Variants in CSMD3 observed in about 807,000 individuals in gnomAD.
CSMD3 encodes CUB and sushi domain-containing protein 3.
Under a neutral mutation model 435.2 loss-of-function variants are expected in CSMD3, and 177 were observed. That is an observed-to-expected ratio of 0.41 (90% confidence interval 0.36 to 0.46). The LOEUF is 0.46. Ranked by LOEUF, CSMD3 falls within the 20% of genes least tolerant of loss-of-function variation. CSMD3 has a pLI of 0.34. For missense variants in CSMD3, 4,265 were observed against 4,504.6 expected (o/e 0.95, Z 1.52); for synonymous variants, 1,656 against 1,520.5 (o/e 1.09, Z -2.07).
chr8:112,592,958 T>C (rs753821869), intron 22 of CSMD3, among the ~76,000 whole-genome samples: 4 of 152,116 alleles, frequency 2.6e-5, no homozygotes, highest in Middle Eastern at 3.2e-3. Context: ...AGAAGTAGTA[T>C]ATTTTAAAGA....
chr8:113,029,345 T>A lies in CSMD3; in HGVS notation c.918-10166A>T, dbSNP rs2086994863. On this transcript the variant is annotated intron_variant, in intron 5 of 70. Transcript: ENST00000297405. ...CAAAAAAGAAAACTACAGACTGATATCCTTGATGAATATAGATGCTAAAAT... is the reference window on the plus strand; with the variant it reads ...CAAAAAAGAAAACTACAGACTGATAACCTTGATGAATATAGATGCTAAAAT... 3.3e-5 allele frequency among the ~76,000 whole-genome samples: 5 copies of A among 151,510 alleles called. No individual in the cohort carries two copies. In the South Asian group the frequency reaches 8.4e-4, roughly 25 times the overall value.
chr8:112,819,542 A>G (rs2079471215), intron 12 of CSMD3, among the ~76,000 whole-genome samples: 1 of 152,232 alleles, frequency 6.6e-6, no homozygotes, highest in Non-Finnish European at 1.5e-5. Flanking sequence ...TTAGCCAGTC[A>G]GCCAGTCCTA....
chr8:113,228,005 A>AT lies in CSMD3; in HGVS notation c.514+50586dup, dbSNP rs2093046674. Among the ~76,000 whole-genome samples the AT allele has an allele frequency of 2.6e-5, 4 of 151,484 alleles. 1 individual carries two copies. The highest frequency in any genetic ancestry group is 4.4e-5 in the Non-Finnish European group (3 of 67,708). On this transcript the variant is annotated intron_variant, in intron 3 of 70. Coordinates refer to ENST00000297405, the MANE Select transcript of CSMD3 (RefSeq NM_198123.2). The stretch of plus-strand genomic sequence containing the variant: ...GTCACATAATCTGTGTTCTTAGGTC[A>AT]TTTTTTTAAATTTCACCTCTCTTAC...
chr8:112,541,785 T>C (rs1307090860), intron 27 of CSMD3, among the ~76,000 whole-genome samples: 1 of 151,704 alleles, frequency 6.6e-6, no homozygotes, highest in Non-Finnish European at 1.5e-5. Flanking sequence ...ATTAATTTTG[T>C]AAAGGCAATA....
At chr8:112,729,135 T>TA (rs1459477591) in intron 13 of CSMD3, among the ~76,000 whole-genome samples, 1 of 152,056 alleles carries the variant, frequency 6.6e-6, no homozygotes, top group Non-Finnish European at 1.5e-5. Context: ...TGCAAAACTG[T>TA]ATCTCCAGAT....
At chr8:112,645,848 A>C (rs2074965692) in intron 19 of CSMD3, among the ~76,000 whole-genome samples, 2 of 152,226 alleles carry the variant, frequency 1.3e-5, no homozygotes. Context: ...CTATATATTC[A>C]ACAGCTATCA....
intron 3 of CSMD3, among the ~76,000 whole-genome samples, chr8:113,224,514 CT>C (rs1247234999): frequency 6.6e-6 from 1 of 151,018 alleles, no homozygotes; most frequent in East Asian, 1.9e-4. Context: ...TTTAATCTAC[CT>C]TCTAATTATA....
At chr8:112,239,704 A>G (rs557216797) in intron 66 of CSMD3, among the ~76,000 whole-genome samples, 18 of 152,188 alleles carry the variant, frequency 1.2e-4, no homozygotes, top group Admixed American at 2.0e-4. Context: ...AATGTTGATA[A>G]TTATTGATAG....
intron 22 of CSMD3, among the ~76,000 whole-genome samples, chr8:112,624,271 G>A (rs1273124162): frequency 1.3e-5 from 2 of 151,926 alleles, no homozygotes; most frequent in South Asian, 2.1e-4. Context: ...TATAGAAATC[G>A]ATATCCTGAA....
intron 19 of CSMD3, among the ~76,000 whole-genome samples, chr8:112,649,667 T>C (rs898335179): frequency 6.6e-6 from 1 of 152,178 alleles, no homozygotes; most frequent in African/African-American, 2.4e-5. Flanking sequence ...GGAACACTAG[T>C]ATGCTATTTA....
At chr8:112,390,457 A>AT (rs956206946) in intron 36 of CSMD3, among the ~76,000 whole-genome samples, 18 of 152,028 alleles carry the variant, frequency 1.2e-4, no homozygotes, top group Middle Eastern at 3.4e-3. Context: ...GGGTTAACAC[A>AT]TTTTTTTTGT....
chr8:112,903,926 G>C (rs1314136226), intron 10 of CSMD3, among the ~76,000 whole-genome samples: 2 of 151,238 alleles, frequency 1.3e-5, no homozygotes, highest in African/African-American at 4.8e-5. Context: ...CCCAAACAAA[G>C]ACCAGATTCA....
At chr8:112,973,750 A>T (rs997128020) in intron 7 of CSMD3, among the ~76,000 whole-genome samples, 1 of 151,958 alleles carries the variant, frequency 6.6e-6, no homozygotes, top group African/African-American at 2.4e-5. Context: ...ATTTTTGCCC[A>T]TAATATTAAG....
chr8:112,636,800 A>G lies in CSMD3; in HGVS notation c.3715+17T>C, dbSNP rs767057269. 2 of 1,608,978 alleles carry G rather than the reference A, an allele frequency of 1.2e-6. No individual in the cohort carries two copies. ...GTGACTACACATACAAGCAAATGAAAGCAGCTGACCACGTACCCACACACC... is the reference window on the plus strand; with the variant it reads ...GTGACTACACATACAAGCAAATGAAGGCAGCTGACCACGTACCCACACACC... On this transcript the variant is annotated intron_variant, in intron 22 of 70. Transcript: ENST00000297405.
rs914329126 is a variant in CSMD3 at position 112,727,292 on chromosome 8, CT to C, written c.1973-37243del. Among the ~76,000 whole-genome samples the C allele has an allele frequency of 5.3e-5, 8 of 151,734 alleles. No homozygotes were observed. In the Admixed American group the frequency reaches 5.3e-4, roughly 10 times the overall value. ...TGAACTGCGTCTGATTTTCCACAAA[CT>C]GAATATACTGCAATTAATTGGTTGT... On this transcript the variant is annotated intron_variant, in intron 13 of 70. Transcript: ENST00000297405.
intron 5 of CSMD3, among the ~76,000 whole-genome samples, chr8:113,096,520 C>A (rs747965854): frequency 6.6e-6 from 1 of 152,018 alleles, no homozygotes; most frequent in Non-Finnish European, 1.5e-5. Context: ...TTAGCTTTCC[C>A]TCCTATAGTT....
At chr8:112,953,144 C>T (rs76101320) in intron 8 of CSMD3, among the ~76,000 whole-genome samples, 1,716 of 151,376 alleles carry the variant, frequency 0.011, 34 homozygotes, top group African/African-American at 0.036. Context: ...CATTCTAATA[C>T]GCTGTAATTC....
At chr8:113,148,907 T>C (rs2091740682) in intron 4 of CSMD3, among the ~76,000 whole-genome samples, 1 of 151,798 alleles carries the variant, frequency 6.6e-6, no homozygotes, top group Admixed American at 6.6e-5. Flanking sequence ...TAAAGATTTC[T>C]ACAGGTATAA....
intron 4 of CSMD3, among the ~76,000 whole-genome samples, chr8:113,136,271 C>G (rs2091416394): frequency 6.6e-6 from 1 of 151,488 alleles, no homozygotes; most frequent in South Asian, 2.1e-4. Flanking sequence ...ATGGTAACCA[C>G]TAGCCATATG....
Sources: gnomAD v4.1 joint callset for allele counts (sites outside exome capture counted in the v4.1 genomes callset) on GRCh38, gnomAD v4.1.1 for gene constraint, MANE v1.5 for transcripts, NCBI Gene and HGNC (gene_info 2026-07-23, HGNC 2026-07-21) for gene names.